Variants in GIPC2 observed in about 807,000 individuals in gnomAD.
The protein encoded by GIPC2 is PDZ domain-containing protein GIPC2.
Under a neutral mutation model 30.6 loss-of-function variants are expected in GIPC2, and 30 were observed. The observed-to-expected ratio is 0.98, with a 90% CI of 0.73 to 1.33. The LOEUF is 1.33. Ranked by LOEUF, GIPC2 falls within the 40% of genes most tolerant of loss-of-function variation. The pLI is 0.00. For missense variants in GIPC2, 414 were observed against 390.3 expected (o/e 1.06, Z -0.51); for synonymous variants, 167 against 150.0 (o/e 1.11, Z -0.83).
intron 2 of GIPC2, chr1:78,092,066 G>C: frequency 6.6e-7 from 1 of 1,517,202 alleles, no homozygotes; most frequent in Non-Finnish European, 9.1e-7. Flanking sequence ...GACCATGTCA[G>C]CTTCACCCCC....
intron 2 of GIPC2, among the ~76,000 whole-genome samples, chr1:78,085,909 T>A (rs2100356810): frequency 6.6e-6 from 1 of 151,486 alleles, no homozygotes; most frequent in South Asian, 2.1e-4. Flanking sequence ...TTTTTTTTTT[T>A]TTTGTCTTGT....
chr1:78,128,030 G>C (rs478308), intron 5 of GIPC2, among the ~76,000 whole-genome samples: 37,556 of 152,028 alleles, frequency 0.25, 5,057 homozygotes, highest in East Asian at 0.62. Context: ...ACTGGATATA[G>C]AGATGCTGTC....
intron 1 of GIPC2, among the ~76,000 whole-genome samples, chr1:78,079,346 G>T (rs894859467): frequency 1.2e-4 from 18 of 152,126 alleles, no homozygotes; most frequent in African/African-American, 4.1e-4. Context: ...TGATTGTATA[G>T]CAGGGACAGC....
chr1:78,129,644 T>C (rs1662853224), intron 5 of GIPC2, among the ~76,000 whole-genome samples: 1 of 152,184 alleles, frequency 6.6e-6, no homozygotes, highest in South Asian at 2.1e-4. Flanking sequence ...CGATGACTTT[T>C]CTACCAGCCA....
intron 2 of GIPC2, among the ~76,000 whole-genome samples, chr1:78,081,436 T>C (rs1661827343): frequency 6.6e-6 from 1 of 152,138 alleles, no homozygotes; most frequent in East Asian, 1.9e-4. Flanking sequence ...AGCATTGCCA[T>C]TGTGTTAGGT....
intron 3 of GIPC2, 67 bp from the exon 4 acceptor site, chr1:78,119,326 G>T: frequency 1.2e-6 from 1 of 844,022 alleles, no homozygotes; most frequent in South Asian, 1.5e-5. Flanking sequence ...AACTACATTA[G>T]CCTTCACAGT....
intron 1 of GIPC2, among the ~76,000 whole-genome samples, chr1:78,070,054 A>C (rs1571485409): frequency 6.6e-6 from 1 of 152,154 alleles, no homozygotes; most frequent in African/African-American, 2.4e-5. Flanking sequence ...ATTTCATTGT[A>C]GGGGTTAGAA....
intron 3 of GIPC2, among the ~76,000 whole-genome samples, chr1:78,119,120 T>G (rs1469635796): frequency 6.6e-6 from 1 of 152,206 alleles, no homozygotes; most frequent in Admixed American, 6.5e-5. Context: ...GCCTACTGTT[T>G]TTTCTTCCTT....
chr1:78,062,970 G>C (rs752466034), intron 1 of GIPC2, among the ~76,000 whole-genome samples: 8 of 152,130 alleles, frequency 5.3e-5, no homozygotes, highest in Non-Finnish European at 1.0e-4. Context: ...GGATATCTTT[G>C]ACTTGAGGTC....
chr1:78,103,239 A>C (rs1317192006), intron 3 of GIPC2, among the ~76,000 whole-genome samples: 1 of 152,244 alleles, frequency 6.6e-6, no homozygotes, highest in African/African-American at 2.4e-5. Flanking sequence ...TAATTCTACT[A>C]ACAATAATAG....
rs1256303402 is a variant in GIPC2 at position 78,138,330 on chromosome 1, G to A, written c.*2587G>A. ...AATCAGGTAACCTCTATTTGGAGCTGCTACATCCAATATTGTGACTGAAAA... is the reference window on the plus strand; with the variant it reads ...AATCAGGTAACCTCTATTTGGAGCTACTACATCCAATATTGTGACTGAAAA... On this transcript the variant is annotated 3_prime_UTR_variant, in exon 6 of 6. Transcript: ENST00000370759. 1 of 152,208 alleles carries A rather than the reference G, an allele frequency of 6.6e-6. No homozygotes were observed. The highest frequency in any genetic ancestry group is 2.1e-4 in the South Asian group (1 of 4,832). The allele number at this position is 152,208 out of a possible 1,614,324, so 9.4% of individuals were successfully genotyped here. A position where few individuals can be genotyped will look rare whatever the true frequency, so the allele number is the denominator to read the frequency against.
intron 3 of GIPC2, among the ~76,000 whole-genome samples, chr1:78,107,490 A>G (rs758141239): frequency 2.0e-5 from 3 of 152,140 alleles, no homozygotes; most frequent in Non-Finnish European, 2.9e-5. Flanking sequence ...TAAATATAAA[A>G]CAAACACATT....
intron 2 of GIPC2, among the ~76,000 whole-genome samples, chr1:78,082,575 CGT>C (rs1661850951): frequency 6.6e-6 from 1 of 152,176 alleles, no homozygotes; most frequent in African/African-American, 2.4e-5. Flanking sequence ...GTTTCACAAA[CGT>C]GTGTGGATTT....
Position 78,119,500 on chromosome 1 carries a change from G to T in GIPC2, c.714+1G>T. 1 of 1,554,892 alleles carries T rather than the reference G, an allele frequency of 6.4e-7. No homozygotes were observed. Among genetic ancestry groups the T allele is most frequent in the Non-Finnish European group, 8.9e-7 (1 of 1,126,546 alleles). On this transcript the variant is annotated splice_donor_variant, in intron 4 of 5. Transcript: ENST00000370759. LOFTEE classifies it high-confidence loss of function. Reference sequence around the variant, plus strand: ...AGGTCCTGCCACCGTGGAAGAAATGGTATGTTATGTTCATTTACTTCCTGT... The same window carrying T: ...AGGTCCTGCCACCGTGGAAGAAATGTTATGTTATGTTCATTTACTTCCTGT...
intron 1 of GIPC2, among the ~76,000 whole-genome samples, chr1:78,069,475 C>CT (rs1167457025): frequency 0.079 from 10,028 of 127,234 alleles, 599 homozygotes; most frequent in South Asian, 0.13. Context: ...CCCTGTAGTA[C>CT]TTTTTTTTTT....
chr1:78,110,214 A>T (rs1040496888), intron 3 of GIPC2, among the ~76,000 whole-genome samples: 5 of 152,096 alleles, frequency 3.3e-5, no homozygotes, highest in African/African-American at 1.2e-4. Context: ...ATAATGCTTG[A>T]TAGGTAGCCA....
chr1:78,107,443 C>G (rs1662375964), intron 3 of GIPC2, among the ~76,000 whole-genome samples: 1 of 152,138 alleles, frequency 6.6e-6, no homozygotes. Flanking sequence ...CCATGCCCGG[C>G]TGACTTTTTT....
At chr1:78,087,547 A>G (rs554158779) in intron 2 of GIPC2, among the ~76,000 whole-genome samples, 16 of 152,288 alleles carry the variant, frequency 1.1e-4, no homozygotes, top group African/African-American at 3.8e-4. Flanking sequence ...CAGCTAAGAA[A>G]TGATGCTGGC....
rs190617260 is a variant in GIPC2, at chr1:78,054,551, A to G, written c.240+8217A>G. Among the ~76,000 whole-genome samples the G allele has an allele frequency of 1.7e-3, 253 of 152,250 alleles. 1 individual carries two copies. Among genetic ancestry groups the G allele is most frequent in the African/African-American group, 5.4e-3 (223 of 41,546 alleles). On this transcript the variant is annotated intron_variant, in intron 1 of 5. Coordinates refer to ENST00000370759, the MANE Select transcript of GIPC2 (RefSeq NM_017655.6). ...GCACACTCAACCATTCATTCTCTGT[A>G]TTTTCTTTCTAAATAATATTCAGTT...
Sources: gnomAD v4.1 joint callset for allele counts (sites outside exome capture counted in the v4.1 genomes callset) on GRCh38, gnomAD v4.1.1 for gene constraint, MANE v1.5 for transcripts, NCBI Gene and HGNC (gene_info 2026-07-23, HGNC 2026-07-21) for gene names.